The following DSCAM variants were observed in gnomAD, a reference collection of about 807,000 sequenced individuals.
DSCAM encodes the protein cell adhesion molecule DSCAM.
In DSCAM, 47 loss-of-function variants were observed where a neutral mutation model predicts 217.7. The observed-to-expected ratio is 0.22, with a 90% confidence interval of 0.17 to 0.28. The LOEUF (loss-of-function observed/expected upper bound fraction) is 0.28. Among genes scored for constraint, DSCAM ranks in the 10% least tolerant of loss-of-function variants. The probability of loss-of-function intolerance (pLI) is 1.00; values close to 1 mark genes in which losing one functional copy is unlikely to be tolerated. For missense variants in DSCAM, 2,080 were observed against 2,618.3 expected, an observed-to-expected ratio of 0.79 and a Z score of 4.49; for synonymous variants, 1,056 against 1,015.3, an observed-to-expected ratio of 1.04 and a Z score of -0.76.
At chr21:40,158,404 CAAAAACAA>C (rs1377141528) in intron 16 of DSCAM, among the ~76,000 whole-genome samples, 1 of 151,654 alleles carries the variant, frequency 6.6e-6, no homozygotes, top group Non-Finnish European at 1.5e-5. Flanking sequence ...AAAACAAAAA[CAAAAACAA>C]AAAAACAAAA....
intron 28 of DSCAM, among the ~76,000 whole-genome samples, chr21:40,060,625 C>T (rs1445901722): frequency 2.6e-5 from 4 of 152,162 alleles, no homozygotes; most frequent in Non-Finnish European, 5.9e-5. Flanking sequence ...TTCTAAAGGG[C>T]TACTGTGCCT....
intron 27 of DSCAM, among the ~76,000 whole-genome samples, chr21:40,063,831 C>A (rs149454213): frequency 2.0e-4 from 31 of 152,228 alleles, no homozygotes; most frequent in African/African-American, 7.2e-4. Flanking sequence ...TTCTGAAAGA[C>A]GTGGACAGTC....
At chr21:40,574,163 C>CA (rs920567759) in intron 3 of DSCAM, among the ~76,000 whole-genome samples, 2 of 151,562 alleles carry the variant, frequency 1.3e-5, no homozygotes, top group Non-Finnish European at 2.9e-5. Context: ...ATTAAACCTA[C>CA]AAAAAACATT....
intron 9 of DSCAM, among the ~76,000 whole-genome samples, chr21:40,305,777 C>A (rs1221858443): frequency 6.6e-6 from 1 of 152,132 alleles, no homozygotes; most frequent in African/African-American, 2.4e-5. Context: ...TTTCTGAGGG[C>A]TCTGTTCTGT....
chr21:40,121,360 C>T (rs1236802362), intron 20 of DSCAM, among the ~76,000 whole-genome samples: 1 of 152,124 alleles, frequency 6.6e-6, no homozygotes, highest in African/African-American at 2.4e-5. Context: ...TGTCTCTGAG[C>T]TTGACTCTCA....
At chr21:40,224,516 G>A (rs1225216620) in intron 11 of DSCAM, among the ~76,000 whole-genome samples, 2 of 152,176 alleles carry the variant, frequency 1.3e-5, no homozygotes, top group Non-Finnish European at 2.9e-5. Flanking sequence ...TGACACTGAT[G>A]GGAAGAGCTC....
chr21:40,503,994 C>T (rs2076190545), intron 3 of DSCAM, among the ~76,000 whole-genome samples: 2 of 152,266 alleles, frequency 1.3e-5, no homozygotes, highest in Non-Finnish European at 1.5e-5. Context: ...CAGAAAGATG[C>T]TATTGGATAT....
Position 40,179,184 on chromosome 21 carries a change from CAAAAAAAAAAAA to C in DSCAM, c.2780-102_2780-91del, listed in dbSNP as rs11286508. On this transcript the variant is annotated intron_variant, in intron 14 of 32. Transcript: ENST00000400454. Reference sequence around the variant, plus strand: ...AAGTTCACAAGTAGGAATTAAAAACCAAAAAAAAAAAAAAAAAAAAAAAAAGACGGAAAGAAA... The same window carrying C: ...AAGTTCACAAGTAGGAATTAAAAACCAAAAAAAAAAAAAGACGGAAAGAAA... 8.7e-3 allele frequency: 893 copies of C among 102,644 alleles called. 25 individuals are homozygous for C. Among genetic ancestry groups the C allele is most frequent in the Middle Eastern group, 0.027 (5 of 182 alleles). The allele number at this position is 102,644 out of a possible 1,614,324, so 6.4% of individuals were successfully genotyped here.
chr21:40,607,049 T>C (rs967721082), intron 3 of DSCAM, among the ~76,000 whole-genome samples: 6 of 152,182 alleles, frequency 3.9e-5, no homozygotes, highest in Non-Finnish European at 7.3e-5. Context: ...ACCTTTTTCC[T>C]GTATAAATTA....
chr21:40,708,298 A>C (rs769579623), intron 2 of DSCAM, among the ~76,000 whole-genome samples, 156 bp downstream of exon 2: 3 of 152,240 alleles, frequency 2.0e-5, no homozygotes, highest in African/African-American at 7.2e-5. Context: ...AAATCTAAAC[A>C]AGGAGACCTT....
chr21:40,597,442 CAA>C (rs1251589727), intron 3 of DSCAM, among the ~76,000 whole-genome samples: 1 of 136,710 alleles, frequency 7.3e-6, no homozygotes, highest in Non-Finnish European at 1.5e-5. Flanking sequence ...GGTTCTAAAT[CAA>C]AGTTTGCAAG....
chr21:40,819,366 A>G (rs531871551), intron 1 of DSCAM, among the ~76,000 whole-genome samples: 107 of 152,338 alleles, frequency 7.0e-4, no homozygotes, highest in Non-Finnish European at 1.2e-3. Context: ...AACCTTCCCC[A>G]GACAGTGGGG....
At chr21:40,278,191 C>A (rs1357614747) in intron 10 of DSCAM, among the ~76,000 whole-genome samples, 3 of 152,080 alleles carry the variant, frequency 2.0e-5, no homozygotes, top group African/African-American at 7.2e-5. Flanking sequence ...GACCAGCCCA[C>A]TGAAAATTGT....
intron 3 of DSCAM, among the ~76,000 whole-genome samples, chr21:40,626,223 C>A (rs2089598887): frequency 6.6e-6 from 1 of 152,070 alleles, no homozygotes; most frequent in Non-Finnish European, 1.5e-5. Context: ...CATCTTCCTG[C>A]CTCATCCCTG....
chr21:40,323,227 C>T (rs890162447), intron 8 of DSCAM, among the ~76,000 whole-genome samples: 1 of 152,172 alleles, frequency 6.6e-6, no homozygotes, highest in African/African-American at 2.4e-5. Flanking sequence ...TCATAAGGCA[C>T]TCCTTGATAA....
intron 3 of DSCAM, among the ~76,000 whole-genome samples, chr21:40,683,741 G>C (rs944320067): frequency 6.6e-6 from 1 of 152,032 alleles, no homozygotes; most frequent in Non-Finnish European, 1.5e-5. Flanking sequence ...AGGTAGAAAG[G>C]GTCATCTGAA....
chr21:40,036,544 A>C (rs2088627297), intron 32 of DSCAM, among the ~76,000 whole-genome samples: 1 of 147,142 alleles, frequency 6.8e-6, no homozygotes, highest in Admixed American at 6.7e-5. Context: ...AACCAAAAAG[A>C]GTCCAGGACC....
chr21:40,802,648 C>T (rs557012317), intron 1 of DSCAM, among the ~76,000 whole-genome samples: 37 of 152,272 alleles, frequency 2.4e-4, no homozygotes, highest in South Asian at 4.1e-4. Flanking sequence ...TGGGTTATCA[C>T]AGCAGTGGCA....
At chr21:40,775,426 C>A (rs1456253614) in intron 1 of DSCAM, among the ~76,000 whole-genome samples, 1 of 152,078 alleles carries the variant, frequency 6.6e-6, no homozygotes, top group African/African-American at 2.4e-5. Context: ...GAAGAGGTTA[C>A]CGTATGAATC....
Sources: allele counts gnomAD v4.1 joint callset (sites outside exome capture counted in the v4.1 genomes callset), GRCh38; gene constraint gnomAD v4.1.1; transcripts MANE v1.5; gene names NCBI Gene and HGNC (gene_info 2026-07-23, HGNC 2026-07-21).